The following CSMD1 variants were observed in gnomAD, a reference collection of about 807,000 sequenced individuals.
CSMD1 encodes CUB and sushi domain-containing protein 1.
In CSMD1, 213 loss-of-function variants were observed where a neutral mutation model predicts 417.5. The ratio of observed to expected loss-of-function variants is 0.51; its 90% CI spans 0.46 to 0.57. The LOEUF is 0.57. CSMD1 is among the 20% of genes least tolerant of loss of function. The pLI is 0.00. For synonymous variants in CSMD1, 2,862 were observed against 1,736.8 expected, an observed-to-expected ratio of 1.65 and a Z score of -16.11; for missense variants, 6,923 against 4,529.7, an observed-to-expected ratio of 1.53 and a Z score of -15.17.
At chr8:3,722,885 C>A (rs1183463001) in intron 6 of CSMD1, among the ~76,000 whole-genome samples, 3 of 147,702 alleles carry the variant, frequency 2.0e-5, no homozygotes, top group Non-Finnish European at 4.5e-5. Context: ...CATGGAACAC[C>A]ATTTTTACTT....
intron 2 of CSMD1, among the ~76,000 whole-genome samples, chr8:4,522,037 T>A (rs1259676233): frequency 1.3e-5 from 2 of 152,222 alleles, no homozygotes; most frequent in Admixed American, 6.5e-5. Flanking sequence ...GAGTCATTGA[T>A]ACGGTTTGGC....
chr8:3,405,949 G>C (rs1467882173), intron 15 of CSMD1, 78 bp downstream of exon 15: 7 of 1,392,076 alleles, frequency 5.0e-6, no homozygotes, highest in Admixed American at 1.9e-5. Context: ...AGCTAACACA[G>C]TTTGTTGGTT....
intron 26 of CSMD1, among the ~76,000 whole-genome samples, chr8:3,275,027 T>C (rs570914200): frequency 2.5e-5 from 2 of 80,452 alleles, no homozygotes; most frequent in South Asian, 4.3e-4. Flanking sequence ...CTAGCCTTGA[T>C]GGTCTTTACA....
At chr8:4,915,856 T>C (rs1806030253) in intron 1 of CSMD1, among the ~76,000 whole-genome samples, 1 of 152,228 alleles carries the variant, frequency 6.6e-6, no homozygotes, top group Non-Finnish European at 1.5e-5. Context: ...CCTGCCTATT[T>C]CAAAGTTGCT....
rs567679601 is a variant in CSMD1 at position 3,227,556 on chromosome 8, T to A, written c.4345+2484A>T. Among the ~76,000 whole-genome samples, 34 of 152,238 alleles carry A rather than the reference T, an allele frequency of 2.2e-4. No homozygotes were observed. In the South Asian group the frequency reaches 6.8e-3, roughly 31 times the overall value. ...AGGTTAAAACAACTTAATTATACAATAATAAGGGACTAGAAAGATCAATAT... is the reference window on the plus strand; with the variant it reads ...AGGTTAAAACAACTTAATTATACAAAAATAAGGGACTAGAAAGATCAATAT... On this transcript the variant is annotated intron_variant, in intron 27 of 69. Coordinates refer to ENST00000635120, the MANE Select transcript of CSMD1 (RefSeq NM_033225.6).
At chr8:4,784,075 C>T (rs1054818668) in intron 1 of CSMD1, among the ~76,000 whole-genome samples, 1 of 152,122 alleles carries the variant, frequency 6.6e-6, no homozygotes, top group Non-Finnish European at 1.5e-5. Flanking sequence ...GAGGGATTGT[C>T]ATAGGATTTG....
intron 50 of CSMD1, among the ~76,000 whole-genome samples, chr8:3,029,726 G>A (rs1251844590): frequency 1.3e-5 from 2 of 150,474 alleles, no homozygotes; most frequent in African/African-American, 4.8e-5. Context: ...CACTACAGAT[G>A]TCCTGGGAAG....
chr8:3,409,669 A>C, intron 12 of CSMD1, 64 bp from the exon 13 acceptor site: 1 of 1,320,116 alleles, frequency 7.6e-7, no homozygotes, highest in Non-Finnish European at 1.0e-6. Context: ...TTATCTCTAC[A>C]ACTTAGAAAG....
At chr8:3,695,434 G>C (rs571736813) in intron 7 of CSMD1, among the ~76,000 whole-genome samples, 1 of 151,790 alleles carries the variant, frequency 6.6e-6, no homozygotes, top group African/African-American at 2.4e-5. Flanking sequence ...TAATCCTCTT[G>C]GTAGATTGAA....
At chr8:4,554,576 T>C (rs1182925731) in intron 2 of CSMD1, among the ~76,000 whole-genome samples, 1 of 152,224 alleles carries the variant, frequency 6.6e-6, no homozygotes, top group Non-Finnish European at 1.5e-5. Context: ...AGCGAAGCTG[T>C]ATATGACATT....
intron 5 of CSMD1, among the ~76,000 whole-genome samples, chr8:3,951,553 A>G (rs2129879562): frequency 6.6e-6 from 1 of 152,278 alleles, no homozygotes; most frequent in African/African-American, 2.4e-5. Flanking sequence ...ATCTAAGTAA[A>G]ATACATCGCC....
chr8:2,980,090 C>T (rs535707462), intron 54 of CSMD1, among the ~76,000 whole-genome samples: 22 of 152,340 alleles, frequency 1.4e-4, no homozygotes, highest in African/African-American at 5.3e-4. Flanking sequence ...AGGAGACGGA[C>T]AGTCCCGGGC....
chr8:3,699,302 C>T (rs1014907342), intron 7 of CSMD1, among the ~76,000 whole-genome samples: 1 of 152,228 alleles, frequency 6.6e-6, no homozygotes, highest in African/African-American at 2.4e-5. Context: ...CTGTTTCCTT[C>T]CATGCAGTGG....
chr8:3,700,501 C>T (rs1800797438), intron 7 of CSMD1: 1 of 152,166 alleles, frequency 6.6e-6, no homozygotes, highest in South Asian at 2.1e-4. Flanking sequence ...AGTCAACAGC[C>T]ATACCACCCT....
intron 2 of CSMD1, among the ~76,000 whole-genome samples, chr8:4,467,496 G>C (rs1385400452): frequency 9.2e-5 from 14 of 152,186 alleles, no homozygotes; most frequent in Non-Finnish European, 1.9e-4. Context: ...CCAGAGGATA[G>C]AGTTCTGACT....
chr8:3,671,200 G>C (rs989868354), intron 7 of CSMD1, among the ~76,000 whole-genome samples: 1 of 147,148 alleles, frequency 6.8e-6, no homozygotes, highest in Non-Finnish European at 1.5e-5. Flanking sequence ...ATAGGTATAT[G>C]GGATCTATGT....
At chr8:3,109,603 C>T (rs1172812594) in intron 43 of CSMD1, among the ~76,000 whole-genome samples, 1 of 152,092 alleles carries the variant, frequency 6.6e-6, no homozygotes, top group Non-Finnish European at 1.5e-5. Flanking sequence ...CTGTCAGAGC[C>T]CAGGTGCATC....
chr8:4,179,759 G>T (rs971961222), intron 3 of CSMD1, among the ~76,000 whole-genome samples: 1 of 570 alleles, frequency 1.8e-3, no homozygotes, highest in African/African-American at 3.2e-3. Context: ...CCATCAAAAA[G>T]TGGTGAACAA....
At chr8:3,094,372 T>C (rs956407033) in intron 47 of CSMD1, among the ~76,000 whole-genome samples, 2 of 152,214 alleles carry the variant, frequency 1.3e-5, no homozygotes, top group Non-Finnish European at 2.9e-5. Flanking sequence ...CCTAAAGTGC[T>C]GGGATTACAG....
Sources: gnomAD v4.1 joint callset for allele counts (sites outside exome capture counted in the v4.1 genomes callset) on GRCh38, gnomAD v4.1.1 for gene constraint, MANE v1.5 for transcripts, NCBI Gene and HGNC (gene_info 2026-07-23, HGNC 2026-07-21) for gene names.